Variants in DCC observed in about 807,000 individuals in gnomAD.
The protein encoded by DCC is DCC netrin 1 receptor.
DCC carries 58 observed loss-of-function variants against 172.5 expected under a neutral mutation model. The observed-to-expected ratio is 0.34, with a 90% CI of 0.27 to 0.42. The LOEUF is 0.42. Among genes scored for constraint, DCC ranks in the 10% least tolerant of loss-of-function variants. The pLI is 1.00. For synonymous variants in DCC, 709 were observed against 644.5 expected, an observed-to-expected ratio of 1.10 and a Z score of -1.52; for missense variants, 1,740 against 1,791.0, an observed-to-expected ratio of 0.97 and a Z score of 0.51.
chr18:52,990,725 G>A (rs2041376111), intron 5 of DCC, among the ~76,000 whole-genome samples: 2 of 151,930 alleles, frequency 1.3e-5, no homozygotes, highest in South Asian at 4.2e-4. Context: ...ATCACAACTG[G>A]AAGAATAGCT....
intron 1 of DCC, among the ~76,000 whole-genome samples, chr18:52,535,384 A>G (rs2032259899): frequency 6.6e-6 from 1 of 152,190 alleles, no homozygotes; most frequent in Non-Finnish European, 1.5e-5. Flanking sequence ...GTGAGAGAAG[A>G]AAAGAACAAT....
chr18:53,087,995 G>C lies in DCC; in HGVS notation c.1261+21829G>C, dbSNP rs533080401. The stretch of plus-strand genomic sequence containing the variant: ...TTTGGTACCAGTACCATGCTGTTTT[G>C]GTTACTGTAGCCTTGTAGTATAGTT... On this transcript the variant is annotated intron_variant, in intron 7 of 28. Coordinates refer to ENST00000442544, the MANE Select transcript of DCC (RefSeq NM_005215.4). 3.3e-5 allele frequency among the ~76,000 whole-genome samples: 5 copies of C among 152,184 alleles called. No homozygotes were observed. The South Asian group carries it at 1.0e-3, about 32-fold the overall frequency.
chr18:53,129,383 G>A (rs965070292), intron 7 of DCC, among the ~76,000 whole-genome samples: 4 of 151,928 alleles, frequency 2.6e-5, no homozygotes, highest in Admixed American at 6.6e-5. Flanking sequence ...ACTGAATTTT[G>A]ACAATTTTAT....
At chr18:53,443,910 G>A (rs1912433232) in intron 22 of DCC, among the ~76,000 whole-genome samples, 1 of 152,192 alleles carries the variant, frequency 6.6e-6, no homozygotes, top group Non-Finnish European at 1.5e-5. Context: ...ATGATAAGAG[G>A]AGCCTTGAAG....
chr18:52,865,694 G>A (rs537292105), intron 2 of DCC, among the ~76,000 whole-genome samples: 7 of 151,880 alleles, frequency 4.6e-5, no homozygotes, highest in African/African-American at 1.7e-4. Flanking sequence ...CTTTATGATG[G>A]GGTTGTTTTT....
chr18:53,264,476 CAAAAAAAAAAAA>C (rs935972832), intron 12 of DCC, among the ~76,000 whole-genome samples: 2 of 46,304 alleles, frequency 4.3e-5, no homozygotes, highest in East Asian at 5.3e-4. Context: ...AACTCCGTCT[CAAAAAAAAAAAA>C]AAAAAAAAGA....
intron 5 of DCC, among the ~76,000 whole-genome samples, chr18:52,993,922 GT>G (rs1178217486): frequency 6.6e-6 from 1 of 151,940 alleles, no homozygotes; most frequent in Non-Finnish European, 1.5e-5. Context: ...ATTAGGGCAA[GT>G]TTTTAAGCAC....
intron 2 of DCC, among the ~76,000 whole-genome samples, chr18:52,824,568 T>G (rs997453811): frequency 2.0e-5 from 3 of 152,130 alleles, no homozygotes; most frequent in African/African-American, 4.8e-5. Flanking sequence ...CTCTAATGCT[T>G]GTACATTGAG....
At chr18:52,944,213 T>G (rs2040505879) in intron 5 of DCC, among the ~76,000 whole-genome samples, 1 of 152,254 alleles carries the variant, frequency 6.6e-6, no homozygotes, top group South Asian at 2.1e-4. Flanking sequence ...GGTAATGTGA[T>G]GCTTAAAATC....
chr18:53,367,307 G>A (rs755515686), intron 15 of DCC, among the ~76,000 whole-genome samples: 3 of 151,920 alleles, frequency 2.0e-5, no homozygotes, highest in East Asian at 1.9e-4. Context: ...TTCAAGAGAC[G>A]TTCAATAAAA....
intron 1 of DCC, among the ~76,000 whole-genome samples, chr18:52,722,086 T>G (rs902791611): frequency 2.6e-5 from 4 of 152,172 alleles, no homozygotes; most frequent in African/African-American, 9.7e-5. Context: ...GCACATTGCA[T>G]TCATGTCTAT....
chr18:52,582,983 A>G (rs1211832688), intron 1 of DCC, among the ~76,000 whole-genome samples: 1 of 152,170 alleles, frequency 6.6e-6, no homozygotes, highest in Non-Finnish European at 1.5e-5. Flanking sequence ...TCTGAACACT[A>G]GCTTTGAGAA....
chr18:53,483,524 T>C (rs1339798799), intron 25 of DCC, among the ~76,000 whole-genome samples: 1 of 151,884 alleles, frequency 6.6e-6, no homozygotes, highest in Non-Finnish European at 1.5e-5. Context: ...AGGAAGTGCC[T>C]TGTTAACAGA....
chr18:53,205,768 T>A (rs1355593219), intron 10 of DCC, among the ~76,000 whole-genome samples: 1 of 152,032 alleles, frequency 6.6e-6, no homozygotes, highest in Non-Finnish European at 1.5e-5. Flanking sequence ...TTCTAAGACA[T>A]TTATATCTAA....
chr18:53,496,000 C>G (rs1465438865), intron 26 of DCC, among the ~76,000 whole-genome samples: 1 of 152,120 alleles, frequency 6.6e-6, no homozygotes. Flanking sequence ...GGACAGAGCA[C>G]CTGGGGGAAG....
intron 1 of DCC, among the ~76,000 whole-genome samples, chr18:52,469,573 A>T (rs1053619433): frequency 6.6e-6 from 1 of 152,228 alleles, no homozygotes; most frequent in Non-Finnish European, 1.5e-5. Context: ...TCTAATAAAC[A>T]TTGATAATCA....
chr18:52,831,460 A>G (rs1389620326), intron 2 of DCC, among the ~76,000 whole-genome samples: 1 of 152,122 alleles, frequency 6.6e-6, no homozygotes. Context: ...TGTTGCAACA[A>G]TCCAGTTTAG....
chr18:53,043,817 T>G (rs778339897), intron 5 of DCC, among the ~76,000 whole-genome samples: 1 of 151,912 alleles, frequency 6.6e-6, no homozygotes, highest in Non-Finnish European at 1.5e-5. Flanking sequence ...TAGTAAACTA[T>G]TAATTCTGTG....
chr18:53,046,327 A>G (rs28718037), intron 5 of DCC, among the ~76,000 whole-genome samples: 92,977 of 151,560 alleles, frequency 0.61, 29,266 homozygotes, highest in African/African-American at 0.67. Context: ...TAAGCAATGC[A>G]TTAATGCTTG....
Sources: gnomAD v4.1 joint callset for allele counts (sites outside exome capture counted in the v4.1 genomes callset) on GRCh38, gnomAD v4.1.1 for gene constraint, MANE v1.5 for transcripts, NCBI Gene and HGNC (gene_info 2026-07-23, HGNC 2026-07-21) for gene names.